KLHL1: variants seen among roughly 807,000 people sequenced by gnomAD.
KLHL1 encodes the protein kelch like family member 1.
In KLHL1, 47 loss-of-function variants were observed where a neutral mutation model predicts 77.7. The ratio of observed to expected loss-of-function variants is 0.60; its 90% CI spans 0.48 to 0.77. The LOEUF (loss-of-function observed/expected upper bound fraction) is 0.77. KLHL1 is among the 30% of genes least tolerant of loss of function. The probability of loss-of-function intolerance (pLI) is 0.00; values close to 1 mark genes in which losing one functional copy is unlikely to be tolerated. For missense variants in KLHL1, 925 were observed against 910.8 expected (o/e 1.02, Z -0.20); for synonymous variants, 360 against 325.2 (o/e 1.11, Z -1.15).
chr13:69,810,082 AG>A (rs1946590249), intron 6 of KLHL1, among the ~76,000 whole-genome samples: 1 of 152,144 alleles, frequency 6.6e-6, no homozygotes, highest in South Asian at 2.1e-4. Flanking sequence ...ACAGCCACAA[AG>A]TAATAGTGGC....
chr13:70,002,197 TC>T (rs1430761588), intron 1 of KLHL1, among the ~76,000 whole-genome samples: 11 of 151,632 alleles, frequency 7.3e-5, no homozygotes, highest in African/African-American at 2.7e-4. Flanking sequence ...AAATTACCAT[TC>T]ATGCAAAGAA....
At chr13:69,978,306 GA>G (rs1350705841) in intron 1 of KLHL1, among the ~76,000 whole-genome samples, 1 of 151,438 alleles carries the variant, frequency 6.6e-6, no homozygotes, top group Non-Finnish European at 1.5e-5. Context: ...GCTCCAAAAG[GA>G]AACCCTGATG....
intron 6 of KLHL1, among the ~76,000 whole-genome samples, chr13:69,833,824 CAT>C (rs761025507): frequency 6.3e-4 from 95 of 149,626 alleles, no homozygotes; most frequent in East Asian, 1.2e-3. Flanking sequence ...CACACACACA[CAT>C]GTATACATAT....
chr13:69,723,636 T>G (rs1296923586), intron 8 of KLHL1, among the ~76,000 whole-genome samples: 4 of 152,068 alleles, frequency 2.6e-5, no homozygotes, highest in Non-Finnish European at 5.9e-5. Flanking sequence ...AAGAGGAGGT[T>G]GGACATACCT....
intron 3 of KLHL1, among the ~76,000 whole-genome samples, chr13:69,950,812 C>A (rs1351064144): frequency 6.6e-6 from 1 of 151,464 alleles, no homozygotes; most frequent in South Asian, 2.1e-4. Flanking sequence ...TATTCTGTTG[C>A]TTAATGCATG....
chr13:70,075,512 T>C (rs925245000), intron 1 of KLHL1, among the ~76,000 whole-genome samples: 2 of 145,674 alleles, frequency 1.4e-5, no homozygotes, highest in African/African-American at 5.0e-5. Flanking sequence ...AATATATATA[T>C]AATTATTGCA....
At chr13:69,705,803 A>G (rs1177206767) in intron 10 of KLHL1, among the ~76,000 whole-genome samples, 2 of 151,754 alleles carry the variant, frequency 1.3e-5, no homozygotes, top group African/African-American at 4.8e-5. Context: ...AATACAGATG[A>G]AGGAAAATGA....
intron 8 of KLHL1, among the ~76,000 whole-genome samples, chr13:69,737,520 G>A (rs1873811824): frequency 6.6e-6 from 1 of 152,194 alleles, no homozygotes; most frequent in South Asian, 2.1e-4. Flanking sequence ...TGCCATCACT[G>A]TGGCTCCAGT....
chr13:69,878,983 C>T (rs1183445486), intron 5 of KLHL1, among the ~76,000 whole-genome samples: 2 of 152,086 alleles, frequency 1.3e-5, no homozygotes, highest in Admixed American at 1.3e-4. Flanking sequence ...CCATCATTCT[C>T]AGCAAACTAT....
In KLHL1 at chr13:69,908,445, T is replaced by G. The variant is rs546761653; in HGVS notation, c.1015-25950A>C. Among the ~76,000 whole-genome samples the G allele has an allele frequency of 4.7e-3, 713 of 150,788 alleles. 7 individuals carry two copies. Among genetic ancestry groups the G allele is most frequent in the African/African-American group, 0.016 (664 of 41,130 alleles). ...TAGTTATTCTTTCTATATCTCAAAC[T>G]AACATTCAAATAGTAAATTCTATAA... On this transcript the variant is annotated intron_variant, in intron 4 of 10. Transcript: ENST00000377844.
At chr13:69,883,383 A>T (rs1881073758) in intron 4 of KLHL1, among the ~76,000 whole-genome samples, 1 of 152,112 alleles carries the variant, frequency 6.6e-6, no homozygotes, top group African/African-American at 2.4e-5. Flanking sequence ...ACTTTTATCA[A>T]CTTTGCTTTT....
chr13:69,931,346 T>G (rs1363052875), intron 4 of KLHL1, among the ~76,000 whole-genome samples: 1 of 151,782 alleles, frequency 6.6e-6, no homozygotes, highest in Non-Finnish European at 1.5e-5. Flanking sequence ...AATCACCTAT[T>G]TTGCTAATTG....
At chr13:69,736,553 G>A (rs1873770043) in intron 8 of KLHL1, among the ~76,000 whole-genome samples, 1 of 152,076 alleles carries the variant, frequency 6.6e-6, no homozygotes, top group South Asian at 2.1e-4. Flanking sequence ...TCTACCCAGA[G>A]GAAAGAAGTC....
intron 5 of KLHL1, among the ~76,000 whole-genome samples, chr13:69,872,008 C>G (rs1197503688): frequency 1.3e-5 from 2 of 152,114 alleles, no homozygotes; most frequent in Non-Finnish European, 2.9e-5. Flanking sequence ...ACTGACTCTC[C>G]GTATCAATTT....
intron 4 of KLHL1, among the ~76,000 whole-genome samples, chr13:69,915,871 T>C (rs1882412463): frequency 1.3e-5 from 2 of 152,026 alleles, no homozygotes; most frequent in African/African-American, 2.4e-5. Flanking sequence ...ATCCAGAATC[T>C]ACAATGAACT....
intron 6 of KLHL1, among the ~76,000 whole-genome samples, chr13:69,838,173 T>G (rs1879104248): frequency 6.6e-6 from 1 of 151,728 alleles, no homozygotes; most frequent in South Asian, 2.1e-4. Context: ...GTTTTTTTTT[T>G]GTTCTGATTT....
At chr13:70,103,539 A>G (rs1887974863) in intron 1 of KLHL1, among the ~76,000 whole-genome samples, 1 of 152,120 alleles carries the variant, frequency 6.6e-6, no homozygotes, top group African/African-American at 2.4e-5. Context: ...AGGGGAGGTG[A>G]TAAGAGATGG....
intron 9 of KLHL1, among the ~76,000 whole-genome samples, chr13:69,715,795 G>T (rs184660028): frequency 6.6e-6 from 1 of 151,902 alleles, no homozygotes; most frequent in African/African-American, 2.4e-5. Context: ...ATAATATATC[G>T]AATGAGAAAA....
chr13:69,967,840 G>T (rs553098028), intron 2 of KLHL1, among the ~76,000 whole-genome samples: 1 of 150,314 alleles, frequency 6.7e-6, no homozygotes, highest in African/African-American at 2.5e-5. Flanking sequence ...AGCCAAGATC[G>T]CACCACTGTG....
Sources: gnomAD v4.1 joint callset for allele counts (sites outside exome capture counted in the v4.1 genomes callset) on GRCh38, gnomAD v4.1.1 for gene constraint, MANE v1.5 for transcripts, NCBI Gene and HGNC (gene_info 2026-07-23, HGNC 2026-07-21) for gene names.